The following PDE7B variants were observed in gnomAD, a reference collection of about 807,000 sequenced individuals.
PDE7B encodes 3',5'-cyclic-AMP phosphodiesterase 7B.
PDE7B carries 29 observed loss-of-function variants against 56.2 expected under a neutral mutation model. The observed-to-expected ratio is 0.52, with a 90% CI of 0.38 to 0.70. The LOEUF (loss-of-function observed/expected upper bound fraction) is 0.70, where lower values mean the gene tolerates loss of function less well. Among genes scored for constraint, PDE7B ranks in the 30% least tolerant of loss-of-function variants. The probability of loss-of-function intolerance (pLI) is 0.00; values close to 1 mark genes in which losing one functional copy is unlikely to be tolerated. For synonymous variants in PDE7B, 197 were observed against 196.9 expected (o/e 1.00, Z 0.00); for missense variants, 490 against 565.0 (o/e 0.87, Z 1.35).
intron 3 of PDE7B, among the ~76,000 whole-genome samples, chr6:136,135,817 G>A (rs948793691): frequency 6.6e-6 from 1 of 152,074 alleles, no homozygotes; most frequent in Non-Finnish European, 1.5e-5. Context: ...CTAAAAGCAC[G>A]TGAAAGTGAA....
Position 136,191,633 on chromosome 6 carries a change from G to A in PDE7B, c.1146G>A (p.Val382=), listed in dbSNP as rs1390977962. The A allele has an allele frequency of 6.2e-7, 1 of 1,613,894 alleles. No homozygotes were observed. Among genetic ancestry groups the A allele is most frequent in the African/African-American group, 1.3e-5 (1 of 74,908 alleles). Residue 382 remains valine, a synonymous_variant, in exon 13 of 13, where the codon GTG becomes GTA. Transcript: ENST00000308191. ...TTCTAGGTTTCATGAGCTACATCGT[G>A]GAGCCGCTCTTCCGGGAATGGGCCC... is the stretch of plus-strand genomic sequence containing the variant. The part of the protein sequence containing the change: ...SIQIGFMSYI[V]EPLFREWAHF...
chr6:136,146,241 TA>T (rs1455605798), intron 3 of PDE7B, among the ~76,000 whole-genome samples: 1 of 152,192 alleles, frequency 6.6e-6, no homozygotes, highest in Non-Finnish European at 1.5e-5. Flanking sequence ...ACTAGACTGT[TA>T]AACTGACTCT....
At chr6:136,183,442 A>G (rs960487426) in intron 11 of PDE7B, among the ~76,000 whole-genome samples, 1 of 151,612 alleles carries the variant, frequency 6.6e-6, no homozygotes, top group Non-Finnish European at 1.5e-5. Flanking sequence ...AAATACAAAA[A>G]AAAATTAGCC....
At chr6:135,857,507 T>C (rs1188100396) in intron 1 of PDE7B, among the ~76,000 whole-genome samples, 1 of 152,100 alleles carries the variant, frequency 6.6e-6, no homozygotes, top group East Asian at 1.9e-4. Context: ...GAGGAGTATG[T>C]TTCCATAGGT....
At chr6:136,051,799 A>T (rs1776634395) in intron 2 of PDE7B, among the ~76,000 whole-genome samples, 1 of 152,122 alleles carries the variant, frequency 6.6e-6, no homozygotes, top group Non-Finnish European at 1.5e-5. Context: ...ATTCTTCATT[A>T]TTTCCACCTT....
intron 2 of PDE7B, among the ~76,000 whole-genome samples, chr6:136,014,890 G>A (rs1008388365): frequency 2.6e-5 from 4 of 152,202 alleles, no homozygotes; most frequent in East Asian, 1.9e-4. Flanking sequence ...TCAGTGGAAC[G>A]TCTGGCCGAT....
chr6:136,092,176 G>A (rs562061221), intron 2 of PDE7B, among the ~76,000 whole-genome samples: 2 of 152,262 alleles, frequency 1.3e-5, no homozygotes, highest in South Asian at 2.1e-4. Context: ...ACTAAGAATG[G>A]ACATTGCTGT....
intron 8 of PDE7B, among the ~76,000 whole-genome samples, chr6:136,172,964 T>G (rs1778916276): frequency 6.6e-6 from 1 of 151,850 alleles, no homozygotes; most frequent in Non-Finnish European, 1.5e-5. Flanking sequence ...AAGGACCTCT[T>G]CAAGGAGAAC....
At chr6:136,017,808 C>G (rs1164274704) in intron 2 of PDE7B, among the ~76,000 whole-genome samples, 2 of 152,054 alleles carry the variant, frequency 1.3e-5, no homozygotes, top group Admixed American at 1.3e-4. Context: ...TCTTGCTTGG[C>G]TTAAGGAGTC....
chr6:136,083,843 T>C (rs922061059), intron 2 of PDE7B, among the ~76,000 whole-genome samples: 2 of 152,110 alleles, frequency 1.3e-5, no homozygotes, highest in Non-Finnish European at 2.9e-5. Context: ...ATATTTTTCT[T>C]TTTTTTCAGA....
chr6:136,173,657 GT>G (rs113294308), intron 8 of PDE7B, 139 bp from the exon 9 acceptor site: 39 of 613,866 alleles, frequency 6.4e-5, no homozygotes, highest in East Asian at 1.4e-4. Flanking sequence ...TATCTTTTGG[GT>G]TTTTTTTTCC....
chr6:135,948,190 G>A (rs931230829), intron 2 of PDE7B, among the ~76,000 whole-genome samples: 1 of 151,946 alleles, frequency 6.6e-6, no homozygotes, highest in African/African-American at 2.4e-5. Flanking sequence ...TCCAAATCAT[G>A]ATATGAAAGT....
At chr6:136,184,271 A>G (rs934290712) in intron 11 of PDE7B, among the ~76,000 whole-genome samples, 4 of 152,322 alleles carry the variant, frequency 2.6e-5, no homozygotes, top group Admixed American at 6.5e-5. Flanking sequence ...TGTCTGAAAC[A>G]TAAACGTGTT....
intron 2 of PDE7B, 45 bp from the exon 3 acceptor site, chr6:136,108,686 C>A (rs377677998): frequency 1.6e-6 from 2 of 1,219,544 alleles, no homozygotes; most frequent in Non-Finnish European, 1.2e-6. Context: ...AGTGAATGCA[C>A]GTGGCAATGT....
At chr6:136,159,838 T>C (rs577955519) in intron 8 of PDE7B, among the ~76,000 whole-genome samples, 183 of 152,262 alleles carry the variant, frequency 1.2e-3, no homozygotes, top group Non-Finnish European at 2.2e-3. Flanking sequence ...GTCCAACAAA[T>C]AGAGGAAAAA....
chr6:136,076,713 C>T (rs1288723084), intron 2 of PDE7B, among the ~76,000 whole-genome samples: 1 of 152,156 alleles, frequency 6.6e-6, no homozygotes, highest in East Asian at 1.9e-4. Flanking sequence ...TCTGAGGAGG[C>T]TGAGTCAGGG....
chr6:135,918,106 T>G (rs999922039), intron 1 of PDE7B, among the ~76,000 whole-genome samples: 24 of 152,204 alleles, frequency 1.6e-4, no homozygotes, highest in Admixed American at 1.6e-3. Flanking sequence ...ATGCAGTTTC[T>G]AGTTCTCTTC....
intron 2 of PDE7B, among the ~76,000 whole-genome samples, chr6:135,978,221 G>A (rs1014031018): frequency 1.3e-5 from 2 of 152,138 alleles, no homozygotes; most frequent in African/African-American, 2.4e-5. Context: ...GAATACTGTA[G>A]GCAATTGTAA....
intron 3 of PDE7B, among the ~76,000 whole-genome samples, chr6:136,114,289 CAT>C (rs1777796922): frequency 6.6e-6 from 1 of 152,120 alleles, no homozygotes; most frequent in African/African-American, 2.4e-5. Context: ...TATATACAAA[CAT>C]ATATATTTTT....
Sources: allele counts gnomAD v4.1 joint callset (sites outside exome capture counted in the v4.1 genomes callset), GRCh38; gene constraint gnomAD v4.1.1; transcripts MANE v1.5; gene names NCBI Gene and HGNC (gene_info 2026-07-23, HGNC 2026-07-21).